The following ACSF3 variants were observed in gnomAD, a reference collection of about 807,000 sequenced individuals.
The protein encoded by ACSF3 is malonate--CoA ligase ACSF3, mitochondrial.
A neutral mutation model predicts 53.2 loss-of-function variants in ACSF3; 78 were observed. That is an observed-to-expected ratio of 1.47 (90% CI 1.22 to 1.77). The LOEUF is 1.77. Ranked by LOEUF, ACSF3 falls within the 40% of genes most tolerant of loss-of-function variation. The pLI is 0.00. For missense variants in ACSF3, 937 were observed against 771.1 expected, an observed-to-expected ratio of 1.22 and a Z score of -2.55; for synonymous variants, 414 against 333.1, an observed-to-expected ratio of 1.24 and a Z score of -2.65.
At chr16:89,114,554 C>G (rs1267174937) in intron 6 of ACSF3, 67 bp downstream of exon 6, 2 of 1,595,150 alleles carry the variant, frequency 1.3e-6, no homozygotes, top group African/African-American at 1.3e-5. Context: ...GTGGGCCAGT[C>G]TCGAACCACC....
chr16:89,153,773 T>TG, intron 10 of ACSF3: 1 of 405,316 alleles, frequency 2.5e-6, no homozygotes, highest in South Asian at 2.4e-5. Flanking sequence ...TGGCCCGGTG[T>TG]GGGGGCCCCT....
intron 10 of ACSF3, chr16:89,151,341 A>T: frequency 2.5e-6 from 1 of 399,844 alleles, no homozygotes; most frequent in South Asian, 1.9e-5. Context: ...AAAACCAGAC[A>T]CAGCAAAGTA....
chr16:89,143,609 G>A (rs1846044561), intron 8 of ACSF3, among the ~76,000 whole-genome samples: 2 of 152,160 alleles, frequency 1.3e-5, no homozygotes, highest in Admixed American at 1.3e-4. Flanking sequence ...GCAGGAGCAG[G>A]AGCCATGGCG....
chr16:89,117,640 A>G (rs1393504572), intron 6 of ACSF3, among the ~76,000 whole-genome samples: 1 of 151,166 alleles, frequency 6.6e-6, no homozygotes, highest in Non-Finnish European at 1.5e-5. Context: ...GTCCACACCA[A>G]GAGCGCCAAG....
chr16:89,127,379 G>T (rs1908344634), intron 7 of ACSF3, among the ~76,000 whole-genome samples: 1 of 151,982 alleles, frequency 6.6e-6, no homozygotes, highest in African/African-American at 2.4e-5. Flanking sequence ...TATTTTGTGT[G>T]TGGGGGATAA....
At chr16:89,151,327 A>G (rs1914052732) in intron 10 of ACSF3, 1 of 412,706 alleles carries the variant, frequency 2.4e-6, no homozygotes, top group African/African-American at 2.1e-5. Context: ...TGAAGGCAAA[A>G]AATAAAACCA....
In ACSF3 at chr16:89,154,127, G is replaced by T. The variant is rs143472008; in HGVS notation, c.1651G>T (p.Val551Leu). 5.0e-6 allele frequency: 8 copies of T among 1,613,312 alleles called. No individual in the cohort carries two copies. The highest frequency in any genetic ancestry group is 6.8e-6 in the Non-Finnish European group (8 of 1,179,780). ...LAPYAVPSEL[V>L]LVEEIPRNQM... ...CCCGTACGCGGTGCCCTCGGAGCTGGTGCTGGTGGAGGAGATCCCGCGGAA... is the reference window on the plus strand; with the variant it reads ...CCCGTACGCGGTGCCCTCGGAGCTGTTGCTGGTGGAGGAGATCCCGCGGAA... Residue 551 changes from valine to leucine, a missense_variant, in exon 11 of 11, where the codon GTG (valine) becomes TTG (leucine). By Grantham distance (32) the Val-to-Leu change is conservative. Transcript: ENST00000614302.
chr16:89,132,944 C>T (rs1049261545), intron 7 of ACSF3, among the ~76,000 whole-genome samples, 192 bp from the exon 8 acceptor site: 5 of 152,266 alleles, frequency 3.3e-5, no homozygotes, highest in Non-Finnish European at 5.9e-5. Flanking sequence ...GGCGGGAATG[C>T]TTAGCTCAGC....
intron 10 of ACSF3, 113 bp from the exon 11 acceptor site, chr16:89,153,977 G>A (rs550576703): frequency 7.0e-4 from 790 of 1,132,858 alleles, no homozygotes; most frequent in Non-Finnish European, 9.6e-4. Context: ...TGGCCGAGGC[G>A]CCTGGCAAGG....
intron 6 of ACSF3, among the ~76,000 whole-genome samples, chr16:89,115,812 C>G (rs1401750500): frequency 2.0e-5 from 3 of 152,210 alleles, no homozygotes; most frequent in Non-Finnish European, 4.4e-5. Context: ...CGTTGAGCAC[C>G]TCTTCCTGTT....
intron 7 of ACSF3, among the ~76,000 whole-genome samples, chr16:89,129,198 A>G (rs1345824573): frequency 6.6e-6 from 1 of 152,130 alleles, no homozygotes; most frequent in East Asian, 1.9e-4. Flanking sequence ...CAGTTCTTCT[A>G]TATCCTTGCT....
chr16:89,144,528 A>G (rs1446877017), intron 8 of ACSF3, among the ~76,000 whole-genome samples: 2 of 152,196 alleles, frequency 1.3e-5, no homozygotes, highest in Non-Finnish European at 2.9e-5. Flanking sequence ...TCACTGCTGG[A>G]GCCCACCGTG....
rs1025201214 is a variant in ACSF3 at position 89,145,972 on chromosome 16, G to A, written c.1536G>A (p.Trp512Ter). Residue 512 changes from tryptophan to a stop codon, truncating the protein, a stop_gained, in exon 10 of 11, where the codon TGG (tryptophan) becomes TGA (stop). Transcript: ENST00000614302. LOFTEE classifies it high-confidence loss of function. ...TGATTGGAGTTCCGGATATGACATG[G>A]GGCCAGCGGGTCACTGCTGTGGTGA... ...VAVIGVPDMT[W>*]GQRVTAVVTL... The A allele has an allele frequency of 1.2e-6, 2 of 1,613,998 alleles. No homozygotes were observed. The highest frequency in any genetic ancestry group is 1.7e-6 in the Non-Finnish European group (2 of 1,180,000).
At chr16:89,153,757 A>G (rs552316931) in intron 10 of ACSF3, 171 of 382,538 alleles carry the variant, frequency 4.5e-4, no homozygotes, top group South Asian at 6.6e-4. Flanking sequence ...GGGGACTTGG[A>G]AGGCCTGGCC....
intron 10 of ACSF3, chr16:89,148,893 C>T (rs938995826): frequency 2.6e-5 from 4 of 152,232 alleles, no homozygotes; most frequent in Non-Finnish European, 5.9e-5. Flanking sequence ...ACATTTTCCT[C>T]ATTGTCTTGG....
intron 6 of ACSF3, among the ~76,000 whole-genome samples, chr16:89,117,654 C>T (rs1297341755): frequency 2.0e-5 from 3 of 152,100 alleles, no homozygotes; most frequent in East Asian, 3.9e-4. Context: ...CGCCAAGGAG[C>T]AGCCCAGGGA....
At chr16:89,094,117 G>A (rs1974330984) in intron 1 of ACSF3, 121 bp downstream of exon 1, 1 of 151,362 alleles carries the variant, frequency 6.6e-6, no homozygotes, top group Admixed American at 6.6e-5. Context: ...CCCGTGGCGC[G>A]GTCGCTTCCC....
chr16:89,146,439 C>T (rs1490307122), intron 10 of ACSF3, among the ~76,000 whole-genome samples: 2 of 152,146 alleles, frequency 1.3e-5, no homozygotes, highest in Admixed American at 6.5e-5. Flanking sequence ...GGGCCCTTCC[C>T]CGCCAGGCCA....
chr16:89,131,905 T>C (rs1367483126), intron 7 of ACSF3, among the ~76,000 whole-genome samples: 1 of 152,262 alleles, frequency 6.6e-6, no homozygotes, highest in Non-Finnish European at 1.5e-5. Context: ...CGTCACCATG[T>C]GGGGCAGGTG....
Sources: gnomAD v4.1 joint callset for allele counts (sites outside exome capture counted in the v4.1 genomes callset) on GRCh38, gnomAD v4.1.1 for gene constraint, MANE v1.5 for transcripts, NCBI Gene and HGNC (gene_info 2026-07-23, HGNC 2026-07-21) for gene names.